Variants in HAPLN1 observed in about 807,000 individuals in gnomAD.
The protein encoded by HAPLN1 is hyaluronan and proteoglycan link protein 1, also known as Cartilage link protein.
HAPLN1 carries 13 observed loss-of-function variants against 36.5 expected under a neutral mutation model. The ratio of observed to expected loss-of-function variants is 0.36; its 90% CI spans 0.23 to 0.57. The LOEUF (loss-of-function observed/expected upper bound fraction) is 0.57. HAPLN1 is among the 20% of genes least tolerant of loss of function. The pLI is 0.83. For synonymous variants in HAPLN1, 202 were observed against 169.8 expected, an observed-to-expected ratio of 1.19 and a Z score of -1.48; for missense variants, 407 against 439.7, an observed-to-expected ratio of 0.93 and a Z score of 0.66.
At chr5:83,717,588 C>A (rs1458827116) in intron 1 of HAPLN1, among the ~76,000 whole-genome samples, 1 of 152,138 alleles carries the variant, frequency 6.6e-6, no homozygotes, top group Non-Finnish European at 1.5e-5. Flanking sequence ...TTGCAAAGAG[C>A]CAGTTGGAGT....
intron 1 of HAPLN1, among the ~76,000 whole-genome samples, chr5:83,693,491 A>G (rs915337938): frequency 2.0e-5 from 3 of 151,870 alleles, no homozygotes; most frequent in African/African-American, 2.4e-5. Flanking sequence ...CAAGCATATC[A>G]ATATTTTAAT....
chr5:83,669,834 A>G (rs1050144517), intron 2 of HAPLN1, among the ~76,000 whole-genome samples: 3 of 152,204 alleles, frequency 2.0e-5, no homozygotes, highest in Non-Finnish European at 1.5e-5. Flanking sequence ...ACAAAGCTCT[A>G]TTGAATAAGC....
At chr5:83,649,861 C>T (rs751625572) in intron 3 of HAPLN1, among the ~76,000 whole-genome samples, 2 of 152,192 alleles carry the variant, frequency 1.3e-5, no homozygotes, top group Non-Finnish European at 2.9e-5. Context: ...AAACTATTTA[C>T]TGAGCATGAA....
At chr5:83,687,110 T>C (rs1242148238) in intron 1 of HAPLN1, among the ~76,000 whole-genome samples, 3 of 152,170 alleles carry the variant, frequency 2.0e-5, no homozygotes. Context: ...GTGGTATTTA[T>C]AAAGCAAACC....
intron 1 of HAPLN1, among the ~76,000 whole-genome samples, chr5:83,691,296 T>A (rs1751265789): frequency 6.6e-6 from 1 of 151,992 alleles, no homozygotes; most frequent in Non-Finnish European, 1.5e-5. Flanking sequence ...GACACAGAGT[T>A]AACTTAGGAT....
At chr5:83,701,119 T>A (rs1751498462) in intron 1 of HAPLN1, among the ~76,000 whole-genome samples, 1 of 152,254 alleles carries the variant, frequency 6.6e-6, no homozygotes. Context: ...GTAAAGCTAA[T>A]ACTAGACTAA....
At position 83,668,922 on chromosome 5, in the gene HAPLN1, C is replaced by T. The variant is rs569069439; in HGVS notation, c.100+4502G>A. Among the ~76,000 whole-genome samples, 187 of 152,262 alleles carry T rather than the reference C, an allele frequency of 1.2e-3. 1 individual carries two copies. The highest frequency in any genetic ancestry group is 4.0e-3 in the African/African-American group (168 of 41,556). On this transcript the variant is annotated intron_variant, in intron 2 of 4. Coordinates refer to ENST00000274341, the MANE Select transcript of HAPLN1 (RefSeq NM_001884.4). Reference sequence around the variant, plus strand: ...AGAGAGGAGTGTGCACTTCTGCCAGCGGTTCTGGATAGACTTTATTTTTTT... The same window carrying T: ...AGAGAGGAGTGTGCACTTCTGCCAGTGGTTCTGGATAGACTTTATTTTTTT...
intron 2 of HAPLN1, among the ~76,000 whole-genome samples, chr5:83,667,230 C>T (rs1032415218): frequency 6.6e-6 from 1 of 152,062 alleles, no homozygotes; most frequent in Non-Finnish European, 1.5e-5. Context: ...TTGTTCTTTA[C>T]TTTTGAGCTC....
At chr5:83,673,688 T>C (rs891368608) in intron 1 of HAPLN1, 139 bp from the exon 2 acceptor site, 7 of 590,004 alleles carry the variant, frequency 1.2e-5, no homozygotes, top group Admixed American at 7.2e-5. Context: ...AAAGTTACTG[T>C]AGCTGCCTTT....
chr5:83,677,152 C>T (rs1198458600), intron 1 of HAPLN1, among the ~76,000 whole-genome samples: 1 of 152,132 alleles, frequency 6.6e-6, no homozygotes, highest in Non-Finnish European at 1.5e-5. Context: ...GCCTTGAGAG[C>T]TAACACTACA....
chr5:83,638,723 T>A lies in HAPLN1; in HGVS notation c.*2773A>T, dbSNP rs1749593293. Reference sequence around the variant, plus strand: ...AGCCCCCTTTCCATGAGAGAAAGTTTAAATTTACAAACGCCATATTTGGCT... The same window carrying A: ...AGCCCCCTTTCCATGAGAGAAAGTTAAAATTTACAAACGCCATATTTGGCT... On this transcript the variant is annotated 3_prime_UTR_variant, in exon 5 of 5. Transcript: ENST00000274341. 1 of 152,086 alleles carries A rather than the reference T, an allele frequency of 6.6e-6. No individual in the cohort carries two copies. Among genetic ancestry groups the A allele is most frequent in the Non-Finnish European group, 1.5e-5 (1 of 67,928 alleles). The allele number at this position is 152,086 out of a possible 1,614,324, so 9.4% of individuals were successfully genotyped here.
At chr5:83,706,813 A>T (rs1372654822) in intron 1 of HAPLN1, among the ~76,000 whole-genome samples, 1 of 152,216 alleles carries the variant, frequency 6.6e-6, no homozygotes. Context: ...AGATGACATG[A>T]TTCTATGTCT....
Position 83,641,729 on chromosome 5 carries a change from C to A in HAPLN1, c.832G>T (p.Ala278Ser), listed in dbSNP as rs747955484. The A allele has an allele frequency of 6.2e-7, 1 of 1,614,152 alleles. No individual in the cohort carries two copies. Among genetic ancestry groups the A allele is most frequent in the East Asian group, 2.2e-5 (1 of 44,874 alleles). ...TKLTYDEAVQ[A>S]CLNDGAQIAK... ...ATCTGAGCACCATCATTGAGACAAG[C>A]TTGCACCGCTTCATCATAGGTCAGT... Residue 278 changes from alanine to serine, a missense_variant, in exon 5 of 5, where the codon GCT becomes TCT. By Grantham distance (99) the Ala-to-Ser change is moderately conservative. Coordinates refer to ENST00000274341, the MANE Select transcript of HAPLN1 (RefSeq NM_001884.4).
chr5:83,659,685 T>C (rs1309398898), intron 2 of HAPLN1, among the ~76,000 whole-genome samples: 1 of 152,162 alleles, frequency 6.6e-6, no homozygotes, highest in Non-Finnish European at 1.5e-5. Context: ...GCCATAATTA[T>C]ACTATATTAT....
At chr5:83,675,805 G>A (rs186188441) in intron 1 of HAPLN1, among the ~76,000 whole-genome samples, 1 of 152,246 alleles carries the variant, frequency 6.6e-6, no homozygotes, top group Admixed American at 6.5e-5. Flanking sequence ...AATGGCTCAT[G>A]GATTCCTTAG....
At chr5:83,688,124 T>C (rs984387488) in intron 1 of HAPLN1, among the ~76,000 whole-genome samples, 2 of 152,210 alleles carry the variant, frequency 1.3e-5, no homozygotes, top group African/African-American at 4.8e-5. Flanking sequence ...CAGACCCAAG[T>C]GTTAGCTCCT....
intron 3 of HAPLN1, among the ~76,000 whole-genome samples, chr5:83,645,407 A>G (rs1403049701): frequency 6.6e-6 from 1 of 151,942 alleles, no homozygotes; most frequent in African/African-American, 2.4e-5. Flanking sequence ...AATGCAGCCC[A>G]ACAAAAATCT....
At chr5:83,641,898 T>C in intron 4 of HAPLN1, 113 bp from the exon 5 acceptor site, 1 of 1,106,300 alleles carries the variant, frequency 9.0e-7, no homozygotes, top group South Asian at 1.5e-5. Context: ...AGAGCAATGT[T>C]TGTAAAATTT....
chr5:83,645,881 G>GA (rs766635067), intron 3 of HAPLN1, among the ~76,000 whole-genome samples: 39 of 150,604 alleles, frequency 2.6e-4, no homozygotes, highest in Non-Finnish European at 3.6e-4. Context: ...TTATAAACAG[G>GA]AAAAAAAAAC....
Sources: allele counts gnomAD v4.1 joint callset (sites outside exome capture counted in the v4.1 genomes callset), GRCh38; gene constraint gnomAD v4.1.1; transcripts MANE v1.5; gene names NCBI Gene and HGNC (gene_info 2026-07-23, HGNC 2026-07-21).